Variants in GRIP1 observed in about 807,000 individuals in gnomAD.
GRIP1 encodes the protein glutamate receptor interacting protein 1, also known as glutamate receptor-interacting protein 1.
Under a neutral mutation model 129.9 loss-of-function variants are expected in GRIP1, and 45 were observed. The ratio of observed to expected loss-of-function variants is 0.35; its 90% CI spans 0.27 to 0.44. GRIP1 has a LOEUF of 0.44. Ranked by LOEUF, GRIP1 falls within the 20% of genes least tolerant of loss-of-function variation. The pLI is 1.00. For synonymous variants in GRIP1, 530 were observed against 520.8 expected (o/e 1.02, Z -0.24); for missense variants, 1,196 against 1,396.8 (o/e 0.86, Z 2.29).
chr12:66,667,152 G>T (rs999201663), intron 1 of GRIP1, among the ~76,000 whole-genome samples: 4 of 152,194 alleles, frequency 2.6e-5, no homozygotes, highest in South Asian at 2.1e-4. Flanking sequence ...CTCTCCAAAT[G>T]CTTTTTAGGT....
chr12:66,443,257 G>A (rs1276311239), intron 13 of GRIP1, among the ~76,000 whole-genome samples: 1 of 152,188 alleles, frequency 6.6e-6, no homozygotes, highest in Admixed American at 6.5e-5. Flanking sequence ...ATCCTGCTGA[G>A]TCAGTTTAGG....
chr12:66,819,732 A>G (rs1230137161), intron 1 of GRIP1, among the ~76,000 whole-genome samples: 1 of 152,208 alleles, frequency 6.6e-6, no homozygotes, highest in Non-Finnish European at 1.5e-5. Flanking sequence ...TCACTACTCT[A>G]TCCTAATAAC....
At chr12:66,813,401 A>C (rs1282918793) in intron 1 of GRIP1, among the ~76,000 whole-genome samples, 1 of 152,196 alleles carries the variant, frequency 6.6e-6, no homozygotes, top group Non-Finnish European at 1.5e-5. Context: ...AACACTGGGG[A>C]TCACATTTCA....
intron 7 of GRIP1, among the ~76,000 whole-genome samples, chr12:66,468,960 G>A (rs757615549): frequency 6.6e-6 from 1 of 152,054 alleles, no homozygotes; most frequent in Non-Finnish European, 1.5e-5. Context: ...ATTAAGGCTT[G>A]AAAAAACAAC....
At chr12:66,751,218 C>A (rs2037116437) in intron 1 of GRIP1, among the ~76,000 whole-genome samples, 1 of 152,036 alleles carries the variant, frequency 6.6e-6, no homozygotes, top group Non-Finnish European at 1.5e-5. Context: ...CATCATTGAA[C>A]ATTGTATCTC....
At chr12:66,991,448 T>A (rs1395767208) in intron 1 of GRIP1, among the ~76,000 whole-genome samples, 1 of 152,136 alleles carries the variant, frequency 6.6e-6, no homozygotes, top group African/African-American at 2.4e-5. Flanking sequence ...GAAAGAAATA[T>A]TTCTTCCCTA....
At position 66,419,128 on chromosome 12, in the gene GRIP1, TC is replaced by T. The variant is rs201390282; in HGVS notation, c.1838+1591del. Among the ~76,000 whole-genome samples the T allele has an allele frequency of 1.0e-2, 1,520 of 152,230 alleles. 25 individuals are homozygous for T. Among genetic ancestry groups the T allele is most frequent in the African/African-American group, 0.035 (1,445 of 41,534 alleles). ...CATTCAGCCATAAAAAAGAACGAGA[TC>T]CTGTCATTTGCAATGCATTAGATGG... is the stretch of plus-strand genomic sequence containing the variant. On this transcript the variant is annotated intron_variant, in intron 15 of 24. Transcript: ENST00000359742.
chr12:66,567,468 T>C (rs183005957), intron 2 of GRIP1: 1 of 152,322 alleles, frequency 6.6e-6, no homozygotes. Context: ...TAACAAACTG[T>C]CTCTCAGACC....
chr12:66,617,081 C>CATT, intron 1 of GRIP1, among the ~76,000 whole-genome samples: 1 of 72,548 alleles, frequency 1.4e-5, no homozygotes, highest in Non-Finnish European at 3.1e-5. Context: ...AAGCAACAGA[C>CATT]GTTTTGTGTG....
intron 1 of GRIP1, among the ~76,000 whole-genome samples, chr12:66,801,398 C>A (rs891638586): frequency 2.0e-5 from 3 of 152,080 alleles, no homozygotes; most frequent in Non-Finnish European, 2.9e-5. Context: ...ATTGTCACTG[C>A]TAAAACTGAG....
intron 1 of GRIP1, among the ~76,000 whole-genome samples, chr12:66,676,222 G>A (rs1044955515): frequency 1.1e-4 from 17 of 152,082 alleles, no homozygotes; most frequent in African/African-American, 3.6e-4. Context: ...GTACTTAATC[G>A]ATATTTGTTA....
intron 1 of GRIP1, among the ~76,000 whole-genome samples, chr12:66,900,693 A>G (rs946461459): frequency 1.3e-5 from 2 of 152,168 alleles, no homozygotes; most frequent in Non-Finnish European, 2.9e-5. Flanking sequence ...GAAGGGCCAA[A>G]AAGATTTCCC....
chr12:67,045,371 C>T (rs1415012640), intron 1 of GRIP1, among the ~76,000 whole-genome samples: 1 of 152,132 alleles, frequency 6.6e-6, no homozygotes, highest in African/African-American at 2.4e-5. Context: ...CCTGATCACC[C>T]TGTTACTCAG....
chr12:67,020,908 C>T (rs1444960247), intron 1 of GRIP1, among the ~76,000 whole-genome samples: 2 of 151,758 alleles, frequency 1.3e-5, no homozygotes, highest in Admixed American at 6.6e-5. Context: ...AAGACCAGCC[C>T]GGGCAGCATG....
chr12:66,534,423 C>G (rs939622857), intron 4 of GRIP1, among the ~76,000 whole-genome samples: 4 of 152,136 alleles, frequency 2.6e-5, no homozygotes, highest in African/African-American at 9.7e-5. Flanking sequence ...GGTCTTTTCT[C>G]TATTTTGCCT....
At chr12:66,874,853 T>C (rs2040356435) in intron 1 of GRIP1, among the ~76,000 whole-genome samples, 1 of 152,156 alleles carries the variant, frequency 6.6e-6, no homozygotes, top group Non-Finnish European at 1.5e-5. Flanking sequence ...ATGTTCTGCA[T>C]GATTTACCAA....
At chr12:66,806,341 T>C (rs2061943), upstream of GRIP1, among the ~76,000 whole-genome samples, 1 of 152,116 alleles carries the variant, frequency 6.6e-6, no homozygotes, top group Non-Finnish European at 1.5e-5. Context: ...TTCTTTTCTA[T>C]GTAAATTTTC....
intron 2 of GRIP1, among the ~76,000 whole-genome samples, chr12:66,574,724 T>C (rs17181508): frequency 0.24 from 36,835 of 151,408 alleles, 4,641 homozygotes; most frequent in Admixed American, 0.28. Flanking sequence ...CCCACTTTCA[T>C]GGTCAACTCC....
At chr12:66,391,708 G>T (rs2056594694) in intron 19 of GRIP1, among the ~76,000 whole-genome samples, 1 of 152,104 alleles carries the variant, frequency 6.6e-6, no homozygotes, top group African/African-American at 2.4e-5. Context: ...AAAATCAGCT[G>T]GGTGTGGTGG....
Sources: gnomAD v4.1 joint callset for allele counts (sites outside exome capture counted in the v4.1 genomes callset) on GRCh38, gnomAD v4.1.1 for gene constraint, MANE v1.5 for transcripts, NCBI Gene and HGNC (gene_info 2026-07-23, HGNC 2026-07-21) for gene names.